The following DPYD variants were observed in gnomAD, a reference collection of about 807,000 sequenced individuals.
DPYD encodes the protein dihydropyrimidine dehydrogenase, also known as dihydropyrimidine dehydrogenase [NADP(+)].
DPYD carries 109 observed loss-of-function variants against 116.2 expected under a neutral mutation model. The observed-to-expected ratio is 0.94, with a 90% CI of 0.80 to 1.10. The LOEUF is 1.10. Ranked by LOEUF, DPYD falls within the 50% of genes least tolerant of loss-of-function variation. DPYD has a pLI of 0.00. For missense variants in DPYD, 1,302 were observed against 1,254.5 expected (o/e 1.04, Z -0.57); for synonymous variants, 440 against 432.0 (o/e 1.02, Z -0.23).
chr1:97,396,681 T>C (rs12566907), intron 14 of DPYD, among the ~76,000 whole-genome samples: 39,598 of 151,858 alleles, frequency 0.26, 5,394 homozygotes, highest in South Asian at 0.41. Context: ...ACCTTGCTGC[T>C]CCTTATCTTG....
At chr1:97,465,035 G>A (rs1267532274) in intron 13 of DPYD, among the ~76,000 whole-genome samples, 1 of 152,218 alleles carries the variant, frequency 6.6e-6, no homozygotes, top group Non-Finnish European at 1.5e-5. Context: ...TGAAGGCCAT[G>A]AAAGCCCACC....
chr1:97,906,193 G>A (rs1350210677), intron 1 of DPYD, among the ~76,000 whole-genome samples: 1 of 151,872 alleles, frequency 6.6e-6, no homozygotes, highest in African/African-American at 2.4e-5. Context: ...CTAAATTACT[G>A]GATATTGAGG....
intron 13 of DPYD, among the ~76,000 whole-genome samples, chr1:97,506,929 C>A (rs1557759660): frequency 6.6e-6 from 1 of 151,986 alleles, no homozygotes; most frequent in Non-Finnish European, 1.5e-5. Flanking sequence ...TGATTTAAAA[C>A]TTTAAGGATA....
chr1:97,799,860 T>C (rs778187620), intron 3 of DPYD, among the ~76,000 whole-genome samples: 43 of 151,900 alleles, frequency 2.8e-4, no homozygotes, highest in Non-Finnish European at 5.9e-4. Context: ...CAGAACCTTG[T>C]TGTTACCTTA....
At chr1:97,359,959 T>C (rs992694577) in intron 16 of DPYD, among the ~76,000 whole-genome samples, 1 of 152,098 alleles carries the variant, frequency 6.6e-6, no homozygotes. Context: ...CACATAACAA[T>C]ATTAACCTTA....
At chr1:97,747,848 A>G (rs1003760170) in intron 3 of DPYD, among the ~76,000 whole-genome samples, 2 of 152,192 alleles carry the variant, frequency 1.3e-5, no homozygotes, top group Non-Finnish European at 2.9e-5. Flanking sequence ...CACATTAGGC[A>G]AAGGACTTAA....
rs373348767 is a variant in DPYD, at chr1:97,173,700, C to A, written c.2622+19369G>T. Among the ~76,000 whole-genome samples, 503 of 150,498 alleles carry A rather than the reference C, an allele frequency of 3.3e-3. 3 individuals carry two copies. Among genetic ancestry groups the A allele is most frequent in the Admixed American group, 6.1e-3 (91 of 15,016 alleles). On this transcript the variant is annotated intron_variant, in intron 20 of 22. Coordinates refer to ENST00000370192, the MANE Select transcript of DPYD (RefSeq NM_000110.4). ...TTTATTTAAATGATTAAAATCCAAA[C>A]ACTAAAGTTTCTGAGGCAGGGATAT...
In DPYD at chr1:97,788,184, A is replaced by C. The variant is rs142219537; in HGVS notation, c.233+39930T>G. 1.6e-3 allele frequency among the ~76,000 whole-genome samples: 241 copies of C among 152,276 alleles called. 2 individuals are homozygous for C. The highest frequency in any genetic ancestry group is 3.4e-3 in the Middle Eastern group (1 of 294). On this transcript the variant is annotated intron_variant, in intron 3 of 22. Transcript: ENST00000370192. ...CTACAGAGGAGGCACATTAACAGAG[A>C]CTTGGGACCTTCATTCCCTTCCCTT...
intron 8 of DPYD, among the ~76,000 whole-genome samples, chr1:97,673,095 C>T (rs1425033637): frequency 6.6e-6 from 1 of 151,972 alleles, no homozygotes; most frequent in Non-Finnish European, 1.5e-5. Flanking sequence ...TGGATATTTG[C>T]ACTTGTTATT....
chr1:97,802,037 T>G (rs1389635040), intron 3 of DPYD, among the ~76,000 whole-genome samples: 2 of 151,872 alleles, frequency 1.3e-5, no homozygotes, highest in Non-Finnish European at 2.9e-5. Context: ...GAGCTTTTAC[T>G]TTGTAAAGGG....
At chr1:97,424,757 AGTGAACT>A (rs904984404) in intron 14 of DPYD, among the ~76,000 whole-genome samples, 2 of 151,984 alleles carry the variant, frequency 1.3e-5, no homozygotes, top group African/African-American at 4.8e-5. Context: ...TTCTGCCCAC[AGTGAACT>A]GAAAAAAATC....
At chr1:97,860,778 T>TA (rs1013790245) in intron 2 of DPYD, among the ~76,000 whole-genome samples, 1 of 151,700 alleles carries the variant, frequency 6.6e-6, no homozygotes, top group African/African-American at 2.4e-5. Flanking sequence ...CTCTAGTAAT[T>TA]AAAAAAATCA....
At chr1:97,763,379 T>G (rs746472105) in intron 3 of DPYD, among the ~76,000 whole-genome samples, 44 of 152,044 alleles carry the variant, frequency 2.9e-4, no homozygotes, top group Non-Finnish European at 6.0e-4. Context: ...TTTTTTTAAT[T>G]GCACAATACA....
intron 1 of DPYD, 50 bp downstream of exon 1, chr1:97,920,834 G>C: frequency 6.4e-7 from 1 of 1,565,284 alleles, no homozygotes. Flanking sequence ...TACCCGCAGA[G>C]CACTCCCCAC....
chr1:97,574,101 C>A, intron 10 of DPYD, 131 bp from the exon 11 acceptor site: 1 of 1,461,002 alleles, frequency 6.8e-7, no homozygotes. Context: ...TTTCACCAAA[C>A]CTGAGTTTCA....
chr1:97,359,646 G>A (rs1037378587), intron 16 of DPYD, among the ~76,000 whole-genome samples: 1 of 152,130 alleles, frequency 6.6e-6, no homozygotes, highest in Admixed American at 6.6e-5. Flanking sequence ...GAGAGTGGGG[G>A]CCAATATACA....
At chr1:97,768,051 C>T (rs1376547929) in intron 3 of DPYD, among the ~76,000 whole-genome samples, 1 of 152,022 alleles carries the variant, frequency 6.6e-6, no homozygotes, top group Non-Finnish European at 1.5e-5. Context: ...GTTTACAATG[C>T]TCAAGTAAAG....
At chr1:97,239,058 T>C (rs1160327467) in intron 18 of DPYD, among the ~76,000 whole-genome samples, 8 of 152,214 alleles carry the variant, frequency 5.3e-5, no homozygotes, top group Non-Finnish European at 8.8e-5. Flanking sequence ...CTTTGCATTA[T>C]GTGGCTCTTG....
chr1:97,371,486 T>C (rs1287121082), intron 16 of DPYD, among the ~76,000 whole-genome samples: 1 of 152,098 alleles, frequency 6.6e-6, no homozygotes, highest in East Asian at 1.9e-4. Context: ...CTTTGGAACT[T>C]AGAGAGGTAA....
Sources: gnomAD v4.1 joint callset for allele counts (sites outside exome capture counted in the v4.1 genomes callset) on GRCh38, gnomAD v4.1.1 for gene constraint, MANE v1.5 for transcripts, NCBI Gene and HGNC (gene_info 2026-07-23, HGNC 2026-07-21) for gene names.